SAMD4A: variants seen among roughly 807,000 people sequenced by gnomAD.
SAMD4A encodes sterile alpha motif domain containing 4A, also known as protein Smaug homolog 1.
A neutral mutation model predicts 81.3 loss-of-function variants in SAMD4A; 33 were observed. That is an observed-to-expected ratio of 0.41 (90% CI 0.31 to 0.54). The LOEUF is 0.54. SAMD4A is among the 20% of genes least tolerant of loss of function. The probability of loss-of-function intolerance (pLI) is 0.37; values close to 1 mark genes in which losing one functional copy is unlikely to be tolerated. For missense variants in SAMD4A, 854 were observed against 951.1 expected, an observed-to-expected ratio of 0.90 and a Z score of 1.34; for synonymous variants, 389 against 382.1, an observed-to-expected ratio of 1.02 and a Z score of -0.21.
Position 54,611,337 on chromosome 14 carries a change from C to A in SAMD4A, c.196+43225C>A, listed in dbSNP as rs79119791. On this transcript the variant is annotated intron_variant, in intron 2 of 12. Transcript: ENST00000554335. ...CAGCTTGACAGAGCGCTTCATTCTG[C>A]TGAATGAGCAACACTCAGGACACCA... Among the ~76,000 whole-genome samples, 71 of 152,288 alleles carry A rather than the reference C, an allele frequency of 4.7e-4. 1 individual carries two copies. The East Asian group carries it at 5.0e-3, about 11-fold the overall frequency.
intron 2 of SAMD4A, among the ~76,000 whole-genome samples, chr14:54,654,311 T>C (rs1449154352): frequency 6.6e-6 from 1 of 152,152 alleles, no homozygotes; most frequent in Non-Finnish European, 1.5e-5. Flanking sequence ...CACTGGGGAC[T>C]GAGGGAGTCA....
chr14:54,624,005 T>C (rs924799810), intron 2 of SAMD4A, among the ~76,000 whole-genome samples: 1 of 151,940 alleles, frequency 6.6e-6, no homozygotes, highest in African/African-American at 2.4e-5. Context: ...TGAGATGGAG[T>C]CTCACTCTTG....
chr14:54,773,667 CT>C (rs764193096), intron 9 of SAMD4A, among the ~76,000 whole-genome samples: 6 of 152,354 alleles, frequency 3.9e-5, no homozygotes, highest in Non-Finnish European at 5.9e-5. Flanking sequence ...TGCCCTGGCC[CT>C]TATGCAGCCG....
chr14:54,662,896 C>T lies in SAMD4A; in HGVS notation c.197-39166C>T, dbSNP rs868043143. 2.0e-5 allele frequency among the ~76,000 whole-genome samples: 3 copies of T among 152,286 alleles called. No homozygotes were observed. In the Middle Eastern group the frequency reaches 0.01, roughly 518 times the overall value. The stretch of plus-strand genomic sequence containing the variant: ...AAAGGGGATGCCCTGGGAAGTTCTG[C>T]CAGGGTTTCCTGTGCTGCTGGGCTG... On this transcript the variant is annotated intron_variant, in intron 2 of 12. Transcript: ENST00000554335.
In SAMD4A at chr14:54,580,220, C is replaced by T. The variant is rs987998040; in HGVS notation, c.196+12108C>T. ...TTTGGTATCACAACTTTCTCATGGCCGACTTGGCTGCCACAGTGAATGACT... is the reference window on the plus strand; with the variant it reads ...TTTGGTATCACAACTTTCTCATGGCTGACTTGGCTGCCACAGTGAATGACT... On this transcript the variant is annotated intron_variant, in intron 2 of 12. Transcript: ENST00000554335. Among the ~76,000 whole-genome samples, 5 of 152,092 alleles carry T rather than the reference C, an allele frequency of 3.3e-5. No homozygotes were observed. In the South Asian group the frequency reaches 6.2e-4, roughly 19 times the overall value.
chr14:54,592,113 G>A (rs901109462), intron 2 of SAMD4A, among the ~76,000 whole-genome samples: 1 of 151,948 alleles, frequency 6.6e-6, no homozygotes, highest in Non-Finnish European at 1.5e-5. Flanking sequence ...GCAGCTGAGC[G>A]AGGTCATCGT....
Position 54,717,889 on chromosome 14 carries a change from T to G in SAMD4A, c.715+15309T>G, listed in dbSNP as rs377067567. On this transcript the variant is annotated intron_variant, in intron 3 of 12. Coordinates refer to ENST00000554335, the MANE Select transcript of SAMD4A (RefSeq NM_015589.6). ...AGCAAATATGTTGCTTGAAGGTTTT[T>G]TTTTTTTTTTTTGCTCAATCTATGA... Among the ~76,000 whole-genome samples the G allele has an allele frequency of 7.9e-5, 12 of 151,960 alleles. No homozygotes were observed. The East Asian group carries it at 9.7e-4, about 12-fold the overall frequency.
At chr14:54,729,193 T>A (rs993449712) in intron 3 of SAMD4A, among the ~76,000 whole-genome samples, 7 of 152,134 alleles carry the variant, frequency 4.6e-5, no homozygotes, top group Non-Finnish European at 1.0e-4. Flanking sequence ...CTATTTGAAG[T>A]TCCAAACTTG....
intron 2 of SAMD4A, among the ~76,000 whole-genome samples, chr14:54,646,403 T>C (rs2035288647): frequency 6.6e-6 from 1 of 152,256 alleles, no homozygotes; most frequent in African/African-American, 2.4e-5. Context: ...GTAGGAATTG[T>C]TCAAACACAT....
intron 8 of SAMD4A, among the ~76,000 whole-genome samples, chr14:54,765,969 C>T (rs1336056255): frequency 6.6e-6 from 1 of 152,122 alleles, no homozygotes; most frequent in African/African-American, 2.4e-5. Flanking sequence ...CGGCTCTGGC[C>T]AAAGTTGTCA....
Position 54,776,463 on chromosome 14 carries a change from C to T in SAMD4A, c.1967C>T (p.Thr656Ile), listed in dbSNP as rs775645697. ...PGGSNSMPSR[T>I]HSSVQRTRSL... is the part of the protein sequence containing the mutation. ...GGCAGCAATAGCATGCCAAGCCGCACCCACAGCTCAGTCCAGAGGACCCGC... is the reference window on the plus strand; with the variant it reads ...GGCAGCAATAGCATGCCAAGCCGCATCCACAGCTCAGTCCAGAGGACCCGC... Residue 656 changes from threonine (T) to isoleucine (I), a missense_variant, in exon 11 of 13, where the codon ACC (threonine) becomes ATC (isoleucine). By Grantham distance (89) the Thr-to-Ile change is moderately conservative. Around this residue, in one of 3 missense-constraint regions of SAMD4A, gnomAD observed 428 missense variants for 471.2 expected, o/e 0.91. Coordinates refer to ENST00000554335, the MANE Select transcript of SAMD4A (RefSeq NM_015589.6). 1 of 1,595,226 alleles carries T rather than the reference C, an allele frequency of 6.3e-7. No individual in the cohort carries two copies. Among genetic ancestry groups the T allele is most frequent in the South Asian group, 1.1e-5 (1 of 88,078 alleles).
At chr14:54,745,334 C>T (rs534514484) in intron 4 of SAMD4A, among the ~76,000 whole-genome samples, 1 of 152,216 alleles carries the variant, frequency 6.6e-6, no homozygotes, top group Non-Finnish European at 1.5e-5. Flanking sequence ...CCCCCATCCA[C>T]CCATGTGTCT....
intron 9 of SAMD4A, 70 bp from the exon 10 acceptor site, chr14:54,774,864 G>A: frequency 3.4e-6 from 5 of 1,475,096 alleles, no homozygotes; most frequent in Non-Finnish European, 4.7e-6. Flanking sequence ...GACATCCCTT[G>A]GGAAGCCTGT....
At chr14:54,751,235 A>C (rs548311482) in intron 5 of SAMD4A, among the ~76,000 whole-genome samples, 51 of 152,298 alleles carry the variant, frequency 3.3e-4, no homozygotes, top group African/African-American at 1.2e-3. Flanking sequence ...TAGCCTGAGC[A>C]ACTACAGTGA....
At chr14:54,746,620 T>G (rs1158561606) in intron 4 of SAMD4A, among the ~76,000 whole-genome samples, 1 of 152,232 alleles carries the variant, frequency 6.6e-6, no homozygotes, top group Non-Finnish European at 1.5e-5. Context: ...GTTATCACCT[T>G]GGTTTATAAA....
chr14:54,776,549 C>T lies in SAMD4A; in HGVS notation c.2044+9C>T, dbSNP rs375277162. The T allele has an allele frequency of 5.9e-5, 91 of 1,553,096 alleles. No homozygotes were observed. Among genetic ancestry groups the T allele is most frequent in the Non-Finnish European group, 7.0e-5 (81 of 1,152,888 alleles). On this transcript the variant is annotated intron_variant, in intron 11 of 12. Coordinates refer to ENST00000554335, the MANE Select transcript of SAMD4A (RefSeq NM_015589.6). ...GATGTTCCAGCAGCCAGGTAGGGCC[C>T]GGCGCTTCATGTCCCCTTGACACAG...
chr14:54,758,830 C>CA (rs930209772), intron 6 of SAMD4A, among the ~76,000 whole-genome samples: 131 of 141,236 alleles, frequency 9.3e-4, no homozygotes, highest in Middle Eastern at 3.6e-3. Flanking sequence ...ACTCTGTCTC[C>CA]AAAAAAAAAA....
At chr14:54,566,638 C>T (rs1282422677), upstream of SAMD4A, among the ~76,000 whole-genome samples, 2 of 151,728 alleles carry the variant, frequency 1.3e-5, no homozygotes, top group Non-Finnish European at 2.9e-5. Context: ...GCCGTCCCCT[C>T]GCGGGGCGTG....
chr14:54,709,607 A>G (rs955023144), intron 3 of SAMD4A, among the ~76,000 whole-genome samples: 1 of 152,044 alleles, frequency 6.6e-6, no homozygotes, highest in African/African-American at 2.4e-5. Context: ...TTTTTTTAGC[A>G]CCTTGTTCTA....
Sources: allele counts gnomAD v4.1 joint callset (sites outside exome capture counted in the v4.1 genomes callset), GRCh38; gene constraint gnomAD v4.1.1; regional missense constraint gnomAD v4.1.1; transcripts MANE v1.5; gene names NCBI Gene and HGNC (gene_info 2026-07-23, HGNC 2026-07-21).